Variants in MYH9 observed in about 807,000 individuals in gnomAD.
MYH9 encodes myosin-9.
In MYH9, 29 loss-of-function variants were observed where a neutral mutation model predicts 241.9. The ratio of observed to expected loss-of-function variants is 0.12; its 90% CI spans 0.09 to 0.16. The LOEUF (loss-of-function observed/expected upper bound fraction) is 0.16. Ranked by LOEUF, MYH9 falls within the 10% of genes least tolerant of loss-of-function variation. The probability of loss-of-function intolerance (pLI) is 1.00; values close to 1 mark genes in which losing one functional copy is unlikely to be tolerated. For missense variants in MYH9, 1,803 were observed against 2,595.5 expected (o/e 0.69, Z 6.63); for synonymous variants, 1,047 against 1,062.6 (o/e 0.99, Z 0.29).
At chr22:36,369,166 T>G (rs1279836022) in intron 1 of MYH9, among the ~76,000 whole-genome samples, 1 of 152,200 alleles carries the variant, frequency 6.6e-6, no homozygotes, top group Non-Finnish European at 1.5e-5. Flanking sequence ...TTTGCCAGAC[T>G]GATCTTCAGC....
chr22:36,302,762 G>A, intron 19 of MYH9, 86 bp from the exon 20 acceptor site: 2 of 1,203,564 alleles, frequency 1.7e-6, no homozygotes, highest in Non-Finnish European at 2.4e-6. Context: ...AGCTTTTCTG[G>A]GGGTCTACCC....
In MYH9 at chr22:36,320,956, A is replaced by AT. The variant is rs61051159; in HGVS notation, c.770-61dup. ...AGAAGGCAAGCCCTCCACTTTCCTC[A>AT]TTTTTTTTTTTTTGGAGACAGAGTC... is the stretch of plus-strand genomic sequence containing the variant. On this transcript the variant is annotated intron_variant, in intron 7 of 40. Transcript: ENST00000216181. This position sits in a 1 kb window ranked among gnomAD's most constrained non-coding sequence, Gnocchi z 4.8. The AT allele has an allele frequency of 0.093, 104,166 of 1,125,538 alleles. 30 individuals are homozygous for AT. The highest frequency in any genetic ancestry group is 0.1 in the Admixed American group (4,347 of 43,596). 69.7% of individuals were successfully genotyped at this position (1,125,538 alleles called of 1,614,324 possible).
chr22:36,325,773 C>T (rs763184963), intron 5 of MYH9, among the ~76,000 whole-genome samples: 9 of 152,184 alleles, frequency 5.9e-5, no homozygotes, highest in Non-Finnish European at 1.2e-4. Context: ...TTTCTGAGAA[C>T]AACTAGGTGT....
intron 1 of MYH9, among the ~76,000 whole-genome samples, chr22:36,383,673 G>A (rs1443013929): frequency 6.6e-6 from 1 of 151,828 alleles, no homozygotes; most frequent in Admixed American, 6.6e-5. Context: ...AAAGGGGGGG[G>A]GGTGCCAGGT....
intron 1 of MYH9, among the ~76,000 whole-genome samples, chr22:36,353,118 T>TAA (rs367848730): frequency 1.3e-5 from 2 of 151,700 alleles, no homozygotes; most frequent in African/African-American, 2.4e-5. Flanking sequence ...TGTGTGTGTG[T>TAA]GTGTGTGTGT....
rs200901330 is a variant in MYH9, at chr22:36,295,650, A to G, written c.3340T>C (p.Ser1114Pro). 565 of 1,613,794 alleles carry G rather than the reference A, an allele frequency of 3.5e-4. 1 individual carries two copies. The highest frequency in any genetic ancestry group is 8.2e-4 in the Middle Eastern group (5 of 6,082). Reference protein sequence around the residue: ...KKIRELESQISELQEDLESER... With the variant: ...KKIRELESQIPELQEDLESER... ...GACTCCAGGTCTTCCTGGAGTTCAG[A>G]GATCTGAGATTCCAGCTCCCGGATC... Residue 1114 changes from serine to proline, a missense_variant, in exon 26 of 41, where the codon TCT (serine) becomes CCT (proline). Transcript: ENST00000216181. This position sits in a 1 kb window ranked among gnomAD's most constrained non-coding sequence, Gnocchi z 4.1.
At position 36,306,157 on chromosome 22, in the gene MYH9, G is replaced by A. The variant is rs1335921883; in HGVS notation, c.2038-106C>T. 9 of 1,562,564 alleles carry A rather than the reference G, an allele frequency of 5.8e-6. No individual in the cohort carries two copies. Among genetic ancestry groups the A allele is most frequent in the Non-Finnish European group, 7.8e-6 (9 of 1,146,940 alleles). ...TGACAGGGCAAGAGCCTAAGGGAGG[G>A]GGTCGCTACAGCCCACAGGTTTGGA... On this transcript the variant is annotated intron_variant, in intron 16 of 40. Transcript: ENST00000216181. This position sits in a 1 kb window ranked among gnomAD's most constrained non-coding sequence, Gnocchi z 4.1.
At chr22:36,294,397 G>A (rs528185497) in intron 27 of MYH9, 99 bp from the exon 28 acceptor site, 32 of 1,349,646 alleles carry the variant, frequency 2.4e-5, no homozygotes, top group Admixed American at 5.5e-5. Flanking sequence ...CGCTGCTTCT[G>A]CAGCCCTGAC....
intron 3 of MYH9, among the ~76,000 whole-genome samples, chr22:36,336,539 A>G (rs995779524): frequency 6.6e-6 from 1 of 152,264 alleles, no homozygotes; most frequent in South Asian, 2.1e-4. Flanking sequence ...CTTTGGTGCC[A>G]TCACAGAGTT....
intron 10 of MYH9, among the ~76,000 whole-genome samples, 175 bp from the exon 11 acceptor site, chr22:36,318,500 T>G (rs2017195928): frequency 6.6e-6 from 1 of 152,148 alleles, no homozygotes; most frequent in Non-Finnish European, 1.5e-5. Flanking sequence ...GGGCCCTTCT[T>G]TAGCAGGGCC....
chr22:36,314,362 C>G (rs1159517753), intron 12 of MYH9, 44 bp from the exon 13 acceptor site: 2 of 1,609,912 alleles, frequency 1.2e-6, no homozygotes, highest in African/African-American at 2.7e-5. Context: ...CAACCCTGCA[C>G]TAAAGAGGCC....
At position 36,296,897 on chromosome 22, in the gene MYH9, T is replaced by G; in HGVS notation, c.3218A>C (p.Glu1073Ala). The G allele has an allele frequency of 6.2e-7, 1 of 1,613,658 alleles. No homozygotes were observed. The highest frequency in any genetic ancestry group is 8.5e-7 in the Non-Finnish European group (1 of 1,179,792). The change falls in exon 25 of 41, where the codon GAG becomes GCG. Residue 1073 changes from glutamate (E) to alanine (A), a missense_variant. By Grantham distance (107) the Glu-to-Ala change is moderately radical. Transcript: ENST00000216181. ...QIAELQAQIA[E>A]LKMQLAKKEE... The stretch of plus-strand genomic sequence containing the variant: ...TTTCTTGGCCAGCTGCATCTTGAGC[T>G]CCGCGATCTGGGCCTGGAGCTCGGC...
rs532080330 is a variant in MYH9 at position 36,307,351 on chromosome 22, C to T, written c.1844-744G>A. On this transcript the variant is annotated intron_variant, in intron 15 of 40. Coordinates refer to ENST00000216181, the MANE Select transcript of MYH9 (RefSeq NM_002473.6). ...GCAGCAATTAAACCAATTGCATCCT[C>T]CAAGGTAAAAAACAAACAAACAAGC... Among the ~76,000 whole-genome samples the T allele has an allele frequency of 2.6e-5, 4 of 152,278 alleles. No individual in the cohort carries two copies. The South Asian group carries it at 8.3e-4, about 32-fold the overall frequency.
intron 1 of MYH9, among the ~76,000 whole-genome samples, chr22:36,354,197 C>T (rs2017815589): frequency 6.6e-6 from 1 of 151,910 alleles, no homozygotes; most frequent in African/African-American, 2.4e-5. Context: ...CCACCACACC[C>T]AGCCTCAGAT....
intron 1 of MYH9, among the ~76,000 whole-genome samples, chr22:36,354,805 C>T (rs184057704): frequency 1.3e-5 from 2 of 152,180 alleles, no homozygotes; most frequent in Admixed American, 1.3e-4. Flanking sequence ...AAAGAACATA[C>T]AAACACTTCT....
At position 36,301,061 on chromosome 22, in the gene MYH9, C is replaced by T. The variant is rs768608841; in HGVS notation, c.2632-4G>A. 6.2e-7 allele frequency: 1 copy of T among 1,608,540 alleles called. No individual in the cohort carries two copies. ...GCTGCAATTTCTCTGCCATGAGCTGCAAACAACAAGTGGAAAACACAAGCT... is the reference window on the plus strand; with the variant it reads ...GCTGCAATTTCTCTGCCATGAGCTGTAAACAACAAGTGGAAAACACAAGCT... On this transcript the variant is annotated splice_polypyrimidine_tract_variant and splice_region_variant and intron_variant, in intron 21 of 40. Coordinates refer to ENST00000216181, the MANE Select transcript of MYH9 (RefSeq NM_002473.6).
chr22:36,356,800 C>A (rs919272165), intron 1 of MYH9, among the ~76,000 whole-genome samples: 1 of 152,168 alleles, frequency 6.6e-6, no homozygotes, highest in Non-Finnish European at 1.5e-5. Flanking sequence ...GAGTGTCCAC[C>A]TGGGCAATGT....
At chr22:36,340,141 C>T (rs1364842401) in intron 3 of MYH9, among the ~76,000 whole-genome samples, 2 of 151,734 alleles carry the variant, frequency 1.3e-5, no homozygotes, top group Non-Finnish European at 2.9e-5. Flanking sequence ...GGGCACTGTA[C>T]ACTAACACAG....
chr22:36,369,918 T>C (rs900934976), intron 1 of MYH9, among the ~76,000 whole-genome samples: 1 of 152,188 alleles, frequency 6.6e-6, no homozygotes, highest in Non-Finnish European at 1.5e-5. Flanking sequence ...ACACTAATAC[T>C]GCCACCTTCA....
Sources: gnomAD v4.1 joint callset for allele counts (sites outside exome capture counted in the v4.1 genomes callset) on GRCh38, gnomAD v4.1.1 for gene constraint, Gnocchi (gnomAD v3.1) non-coding constraint, MANE v1.5 for transcripts, NCBI Gene and HGNC (gene_info 2026-07-23, HGNC 2026-07-21) for gene names.